Variants in KLHL29 observed in about 807,000 individuals in gnomAD.
The protein encoded by KLHL29 is kelch-like protein 29.
Under a neutral mutation model 80.4 loss-of-function variants are expected in KLHL29, and 21 were observed. The observed-to-expected ratio is 0.26, with a 90% CI of 0.19 to 0.38. The LOEUF (loss-of-function observed/expected upper bound fraction) is 0.38, where lower values mean the gene tolerates loss of function less well. KLHL29 is among the 10% of genes least tolerant of loss of function. KLHL29 has a pLI of 1.00. For missense variants in KLHL29, 867 were observed against 1,223.9 expected (o/e 0.71, Z 4.35); for synonymous variants, 511 against 526.8 (o/e 0.97, Z 0.41).
rs1666768797 is a variant in KLHL29 at position 23,539,431 on chromosome 2, C to CTTTTTTTTTTTTTTTTTTTTTTTTTT, written c.-45-22721_-45-22720insTTTTTTTTTTTTTTTTTTTTTTTTTT. On this transcript the variant is annotated intron_variant, in intron 2 of 13. Coordinates refer to ENST00000486442, the MANE Select transcript of KLHL29 (RefSeq NM_052920.2). Reference sequence around the variant, plus strand: ...ATGCTTTGCTAGCCTTATCCTGCCTCCTTTTTTTTTTTTTTTTTTTTTTTT... The same window carrying CTTTTTTTTTTTTTTTTTTTTTTTTTT: ...ATGCTTTGCTAGCCTTATCCTGCCTCTTTTTTTTTTTTTTTTTTTTTTTTTTCTTTTTTTTTTTTTTTTTTTTTTTT... Among the ~76,000 whole-genome samples the CTTTTTTTTTTTTTTTTTTTTTTTTTT allele has an allele frequency of 5.6e-5, 6 of 107,216 alleles. 3 individuals are homozygous for CTTTTTTTTTTTTTTTTTTTTTTTTTT. The highest frequency in any genetic ancestry group is 3.7e-5 in the Non-Finnish European group (2 of 53,526). The allele number at this position is 107,216 out of a possible 152,430, so 70.3% of individuals were successfully genotyped here.
rs376739156 is a variant in KLHL29, at chr2:23,707,893, G to A, written c.*1229G>A. The A allele has an allele frequency of 1.3e-5, 2 of 152,312 alleles. No homozygotes were observed. The highest frequency in any genetic ancestry group is 4.8e-5 in the African/African-American group (2 of 41,452). 9.4% of individuals were successfully genotyped at this position (152,312 alleles called of 1,614,324 possible). On this transcript the variant is annotated 3_prime_UTR_variant, in exon 14 of 14. Coordinates refer to ENST00000486442, the MANE Select transcript of KLHL29 (RefSeq NM_052920.2). Reference sequence around the variant, plus strand: ...ACGAACCTGAGAAAAGGGAAGCCAGGAGGGAGGTCACACCATGGCTCAAAA... The same window carrying A: ...ACGAACCTGAGAAAAGGGAAGCCAGAAGGGAGGTCACACCATGGCTCAAAA...
chr2:23,411,249 T>C (rs1408708590), intron 1 of KLHL29, among the ~76,000 whole-genome samples: 1 of 152,082 alleles, frequency 6.6e-6, no homozygotes, highest in Non-Finnish European at 1.5e-5. Flanking sequence ...ATTTGTGACA[T>C]GTAGCAAAGG....
chr2:23,524,851 G>A (rs1666250248), intron 2 of KLHL29, among the ~76,000 whole-genome samples: 1 of 152,206 alleles, frequency 6.6e-6, no homozygotes, highest in Non-Finnish European at 1.5e-5. Flanking sequence ...CAAAAGAATT[G>A]GAAGGCATTT....
At chr2:23,390,932 G>C (rs1666305854) in intron 1 of KLHL29, among the ~76,000 whole-genome samples, 1 of 152,164 alleles carries the variant, frequency 6.6e-6, no homozygotes, top group South Asian at 2.1e-4. Context: ...GGGATTACAG[G>C]CATGAGCCAC....
At chr2:23,547,078 A>G (rs920903124) in intron 2 of KLHL29, among the ~76,000 whole-genome samples, 8 of 152,078 alleles carry the variant, frequency 5.3e-5, no homozygotes, top group Non-Finnish European at 8.8e-5. Context: ...CAGAGAACCC[A>G]CCACAGTGCC....
In KLHL29 at chr2:23,693,417, G is replaced by A. The variant is rs1238153406; in HGVS notation, c.1431G>A (p.Lys477=). ...AGGAGGAGATCCTCAGCATCTCCAAGGACGACTTCATCGCCTACGTCTCCA... is the reference window on the plus strand; with the variant it reads ...AGGAGGAGATCCTCAGCATCTCCAAAGACGACTTCATCGCCTACGTCTCCA... ...AAQEEILSIS[K]DDFIAYVSND... Residue 477 remains lysine (K), a synonymous_variant, in exon 8 of 14, where the codon AAG becomes AAA. Coordinates refer to ENST00000486442, the MANE Select transcript of KLHL29 (RefSeq NM_052920.2). The A allele has an allele frequency of 1.3e-6, 2 of 1,551,710 alleles. No homozygotes were observed. The highest frequency in any genetic ancestry group is 2.4e-5 in the East Asian group (1 of 40,918).
intron 3 of KLHL29, among the ~76,000 whole-genome samples, chr2:23,606,484 G>A (rs1668731944): frequency 6.6e-6 from 1 of 152,178 alleles, no homozygotes; most frequent in Non-Finnish European, 1.5e-5. Context: ...GTTAGGCACT[G>A]CCTCAAAGCA....
At chr2:23,424,738 A>G (rs1465718158) in intron 1 of KLHL29, among the ~76,000 whole-genome samples, 1 of 152,216 alleles carries the variant, frequency 6.6e-6, no homozygotes, top group Non-Finnish European at 1.5e-5. Context: ...ATTGATTAGA[A>G]AAAATTATTA....
In KLHL29 at chr2:23,505,770, G is replaced by A. The variant is rs529907730; in HGVS notation, c.-46+30103G>A. 5.9e-5 allele frequency among the ~76,000 whole-genome samples: 9 copies of A among 152,354 alleles called. No individual in the cohort carries two copies. In the South Asian group the frequency reaches 1.2e-3, roughly 21 times the overall value. ...AAAGGCACCCCCATACCAGTGTCACGTGGAAGAGAGGCCAGAGAATGGTGG... is the reference window on the plus strand; with the variant it reads ...AAAGGCACCCCCATACCAGTGTCACATGGAAGAGAGGCCAGAGAATGGTGG... On this transcript the variant is annotated intron_variant, in intron 2 of 13. Coordinates refer to ENST00000486442, the MANE Select transcript of KLHL29 (RefSeq NM_052920.2).
chr2:23,634,451 T>C (rs1042928496), intron 3 of KLHL29, among the ~76,000 whole-genome samples: 2 of 152,284 alleles, frequency 1.3e-5, no homozygotes, highest in African/African-American at 4.8e-5. Flanking sequence ...CTAGCTTTTG[T>C]GGCCCAGGCC....
chr2:23,410,055 A>G (rs1666824862), intron 1 of KLHL29, among the ~76,000 whole-genome samples: 2 of 152,206 alleles, frequency 1.3e-5, no homozygotes, highest in South Asian at 4.1e-4. Flanking sequence ...AGAGGGGAGC[A>G]TGGCACAGGC....
chr2:23,571,815 C>A (rs185066052), intron 3 of KLHL29, among the ~76,000 whole-genome samples: 23 of 152,282 alleles, frequency 1.5e-4, no homozygotes, highest in African/African-American at 4.6e-4. Context: ...TACTGCTTTG[C>A]TCTAGGCTTC....
chr2:23,487,930 G>C (rs767496404), intron 2 of KLHL29, among the ~76,000 whole-genome samples: 8 of 152,154 alleles, frequency 5.3e-5, no homozygotes, highest in Non-Finnish European at 8.8e-5. Flanking sequence ...ACAGTGGCTC[G>C]GTGCATGCTC....
In KLHL29 at chr2:23,691,702, C is replaced by T. The variant is rs913937588; in HGVS notation, c.1108C>T (p.Arg370Trp). Residue 370 changes from arginine to tryptophan, a missense_variant, in exon 7 of 14, where the codon CGG becomes TGG. Physicochemically the swap from Arg to Trp is moderately radical, Grantham distance 101. Transcript: ENST00000486442. The stretch of plus-strand genomic sequence containing the variant: ...CGTGCAAGACAGCGGCCAGGGCGGC[C>T]GGGAGAAGCTGGAGCTCGTCCTGTC... ...RSVQDSGQGG[R>W]EKLELVLSNL... 1.5e-5 allele frequency: 24 copies of T among 1,551,656 alleles called. No individual in the cohort carries two copies. The highest frequency in any genetic ancestry group is 5.9e-5 in the Admixed American group (3 of 50,990).
intron 11 of KLHL29, chr2:23,697,903 G>T (rs754995775): frequency 6.6e-6 from 1 of 152,220 alleles, no homozygotes; most frequent in Non-Finnish European, 1.5e-5. Flanking sequence ...CATGAAAAAT[G>T]AGACATTTTC....
chr2:23,418,831 T>C (rs879838688), intron 1 of KLHL29, among the ~76,000 whole-genome samples: 5 of 152,080 alleles, frequency 3.3e-5, no homozygotes, highest in African/African-American at 7.2e-5. Context: ...TACAGAGCAT[T>C]GTGTTTGACT....
chr2:23,700,882 G>T lies in KLHL29; in HGVS notation c.2106-2304G>T, dbSNP rs1672321420. 6.6e-6 allele frequency among the ~76,000 whole-genome samples: 1 copy of T among 152,100 alleles called. No individual in the cohort carries two copies. Among genetic ancestry groups the T allele is most frequent in the Non-Finnish European group, 1.5e-5 (1 of 68,020 alleles). On this transcript the variant is annotated intron_variant, in intron 11 of 13. Transcript: ENST00000486442. The surrounding 1 kb of genome is among the most constrained non-coding windows in gnomAD (Gnocchi z 4.6). ...GTTGGGACCTTGGCTGCCCTCTGAG[G>T]ACGCCTCTCAGCTCCCCTCTTAAAG...
At chr2:23,498,991 C>T (rs570299644) in intron 2 of KLHL29, among the ~76,000 whole-genome samples, 21 of 152,262 alleles carry the variant, frequency 1.4e-4, no homozygotes, top group African/African-American at 2.6e-4. Context: ...GATGTCCCTG[C>T]GACCGATCAC....
rs1306502973 is a variant in KLHL29 at position 23,693,464 on chromosome 2, C to T, written c.1478C>T (p.Ala493Val). ...TCCAACGACAGCCTCAACACCAAGG[C>T]TGAGGAGCTGGTGTACGAGACAGTC... ...YVSNDSLNTK[A>V]EELVYETVIK... The change falls in exon 8 of 14, where the codon GCT (alanine) becomes GTT (valine). Residue 493 changes from alanine (A) to valine (V), a missense_variant. By Grantham distance (64) the Ala-to-Val change is moderately conservative. This residue lies in a region of KLHL29 where 443 missense variants were observed against 767.0 expected (regional missense o/e 0.58). Transcript: ENST00000486442. The T allele has an allele frequency of 6.4e-7, 1 of 1,551,594 alleles. No individual in the cohort carries two copies. Among genetic ancestry groups the T allele is most frequent in the African/African-American group, 1.4e-5 (1 of 73,064 alleles).
Sources: gnomAD v4.1 joint callset for allele counts (sites outside exome capture counted in the v4.1 genomes callset) on GRCh38, gnomAD v4.1.1 for gene constraint, gnomAD v4.1.1 regional missense constraint, Gnocchi (gnomAD v3.1) non-coding constraint, MANE v1.5 for transcripts, NCBI Gene and HGNC (gene_info 2026-07-23, HGNC 2026-07-21) for gene names.